NFKB1: variants seen among roughly 807,000 people sequenced by gnomAD.
NFKB1 encodes the protein nuclear factor NF-kappa-B p105 subunit.
NFKB1 carries 9 observed loss-of-function variants against 105.1 expected under a neutral mutation model. That is an observed-to-expected ratio of 0.09 (90% CI 0.05 to 0.15). NFKB1 has a LOEUF of 0.15. NFKB1 is among the 10% of genes least tolerant of loss of function. The probability of loss-of-function intolerance (pLI) is 1.00; values close to 1 mark genes in which losing one functional copy is unlikely to be tolerated. For synonymous variants in NFKB1, 440 were observed against 442.2 expected (o/e 1.00, Z 0.06); for missense variants, 830 against 1,203.7 (o/e 0.69, Z 4.59).
intron 11 of NFKB1, among the ~76,000 whole-genome samples, chr4:102,586,919 C>T (rs1278387227): frequency 5.3e-5 from 8 of 152,216 alleles, no homozygotes; most frequent in Admixed American, 2.0e-4. Flanking sequence ...TCCTAGAATT[C>T]GTGCTGCCAC....
At chr4:102,551,501 G>T (rs1377045674) in intron 5 of NFKB1, among the ~76,000 whole-genome samples, 2 of 152,134 alleles carry the variant, frequency 1.3e-5, no homozygotes, top group African/African-American at 4.8e-5. Flanking sequence ...TTTGACAGGT[G>T]TACTTCTCAA....
intron 5 of NFKB1, among the ~76,000 whole-genome samples, chr4:102,555,758 TAAG>T (rs1215550393): frequency 2.6e-5 from 4 of 152,286 alleles, no homozygotes; most frequent in Non-Finnish European, 5.9e-5. Flanking sequence ...GCAAGGGTGG[TAAG>T]AAGGCTGGAG....
intron 15 of NFKB1, 119 bp downstream of exon 15, chr4:102,597,780 AATG>A: frequency 2.5e-6 from 3 of 1,177,258 alleles, no homozygotes; most frequent in East Asian, 2.5e-5. Context: ...CTCTAACTGG[AATG>A]ATGAAGAAAA....
At chr4:102,579,952 C>T (rs565108758) in intron 8 of NFKB1, among the ~76,000 whole-genome samples, 4 of 151,472 alleles carry the variant, frequency 2.6e-5, no homozygotes, top group African/African-American at 9.7e-5. Flanking sequence ...GCAGAATCAC[C>T]TTAAAATGCA....
intron 3 of NFKB1, among the ~76,000 whole-genome samples, chr4:102,530,622 A>G (rs1741225217): frequency 1.3e-5 from 2 of 152,182 alleles, no homozygotes; most frequent in South Asian, 4.1e-4. Flanking sequence ...GAATTATGGA[A>G]GTTATGTGTA....
chr4:102,595,348 C>A (rs779489323), intron 13 of NFKB1, among the ~76,000 whole-genome samples: 50 of 152,084 alleles, frequency 3.3e-4, no homozygotes, highest in African/African-American at 1.1e-3. Context: ...TTTATAGGAT[C>A]GGTCTTTTCC....
At chr4:102,502,376 G>C (rs1343332822) in intron 1 of NFKB1, among the ~76,000 whole-genome samples, 2 of 45,950 alleles carry the variant, frequency 4.4e-5, no homozygotes, top group African/African-American at 2.4e-4. Context: ...CCCCCTCCGT[G>C]CGCGCGCGCG....
At position 102,530,890 on chromosome 4, in the gene NFKB1, G is replaced by A. The variant is rs528835980; in HGVS notation, c.118+976G>A. The stretch of plus-strand genomic sequence containing the variant: ...CCTTCACTAGTAAAGGTGTATTTCA[G>A]AGGTTTTTCTGTCTTTACCCCTACA... On this transcript the variant is annotated intron_variant, in intron 3 of 23. Transcript: ENST00000226574. Among the ~76,000 whole-genome samples the A allele has an allele frequency of 8.5e-5, 13 of 152,218 alleles. No homozygotes were observed. The South Asian group carries it at 1.9e-3, about 22-fold the overall frequency.
chr4:102,513,548 C>T (rs1470902523), intron 1 of NFKB1, among the ~76,000 whole-genome samples: 2 of 152,100 alleles, frequency 1.3e-5, no homozygotes, highest in Non-Finnish European at 2.9e-5. Context: ...GCATTCTAAT[C>T]ACTTCTCTAA....
At chr4:102,520,395 A>G (rs550294554) in intron 1 of NFKB1, among the ~76,000 whole-genome samples, 4 of 152,120 alleles carry the variant, frequency 2.6e-5, no homozygotes, top group Non-Finnish European at 5.9e-5. Flanking sequence ...CGGTGTTAAT[A>G]AGCTTTGTAT....
At chr4:102,547,307 G>A (rs1722215395) in intron 5 of NFKB1, among the ~76,000 whole-genome samples, 1 of 152,200 alleles carries the variant, frequency 6.6e-6, no homozygotes, top group Non-Finnish European at 1.5e-5. Flanking sequence ...GAAAGGATGA[G>A]CTGGCAGGTA....
intron 5 of NFKB1, among the ~76,000 whole-genome samples, chr4:102,540,964 T>C (rs1741962216): frequency 6.6e-6 from 1 of 152,198 alleles, no homozygotes. Context: ...GCATGTCTTT[T>C]CTGTGGTACT....
In NFKB1 at chr4:102,501,498, C is replaced by A. The variant is rs1739009919; in HGVS notation, c.-298C>A. On this transcript the variant is annotated 5_prime_UTR_variant, in exon 1 of 24. Coordinates refer to ENST00000226574, the MANE Select transcript of NFKB1 (RefSeq NM_003998.4). Reference sequence around the variant, plus strand: ...CCCTCGGCCTGCACGCAGCCACCGGCCCCGCTCCCGGAGCCCAGCGCCGCC... The same window carrying A: ...CCCTCGGCCTGCACGCAGCCACCGGACCCGCTCCCGGAGCCCAGCGCCGCC... The A allele has an allele frequency of 6.7e-6, 1 of 149,768 alleles. No individual in the cohort carries two copies. The highest frequency in any genetic ancestry group is 2.1e-4 in the South Asian group (1 of 4,866). The allele number at this position is 149,768 out of a possible 1,614,324, so 9.3% of individuals were successfully genotyped here. A position where few individuals can be genotyped will look rare whatever the true frequency, so the allele number is the denominator to read the frequency against.
Position 102,613,379 on chromosome 4 carries a change from G to A in NFKB1, c.2593-46G>A, listed in dbSNP as rs895640213. 5.0e-6 allele frequency: 8 copies of A among 1,598,168 alleles called. No individual in the cohort carries two copies. In the South Asian group the frequency reaches 8.9e-5, roughly 18 times the overall value. Reference sequence around the variant, plus strand: ...CTGTCAGTGCTTACAGCCTGCACTGGGACTCGAACACAAGAACATGCTCCT... The same window carrying A: ...CTGTCAGTGCTTACAGCCTGCACTGAGACTCGAACACAAGAACATGCTCCT... On this transcript the variant is annotated intron_variant, in intron 22 of 23. Transcript: ENST00000226574.
chr4:102,504,706 G>T (rs1003844130), intron 1 of NFKB1, among the ~76,000 whole-genome samples: 3 of 152,122 alleles, frequency 2.0e-5, no homozygotes, highest in African/African-American at 7.2e-5. Flanking sequence ...GAACTCACTT[G>T]TAGTGTTCTT....
At chr4:102,508,099 G>T (rs1223966918) in intron 1 of NFKB1, among the ~76,000 whole-genome samples, 2 of 152,172 alleles carry the variant, frequency 1.3e-5, no homozygotes, top group Admixed American at 6.5e-5. Context: ...ATGTTTTATT[G>T]ATATTTGAAG....
chr4:102,590,542 A>G (rs941953148), intron 11 of NFKB1, among the ~76,000 whole-genome samples: 3 of 152,114 alleles, frequency 2.0e-5, no homozygotes, highest in African/African-American at 7.2e-5. Context: ...CTTTTCCATG[A>G]TTATTATATC....
rs1019448371 is a variant in NFKB1 at position 102,582,768 on chromosome 4, A to G, written c.836-98A>G. 1.4e-5 allele frequency: 10 copies of G among 701,808 alleles called. No homozygotes were observed. In the African/African-American group the frequency reaches 1.6e-4, roughly 11 times the overall value. The allele number at this position is 701,808 out of a possible 1,614,324, so 43.5% of individuals were successfully genotyped here. ...TCTTGTTTTTTAAAAGTGTAAATAG[A>G]TAGTAGGTAGAATATTAAACCAGTT... On this transcript the variant is annotated intron_variant, in intron 9 of 23. Coordinates refer to ENST00000226574, the MANE Select transcript of NFKB1 (RefSeq NM_003998.4).
intron 5 of NFKB1, among the ~76,000 whole-genome samples, chr4:102,540,432 G>A (rs950335148): frequency 1.3e-5 from 2 of 152,168 alleles, no homozygotes; most frequent in Non-Finnish European, 2.9e-5. Context: ...CTTGTAGAAT[G>A]AAAGTTTCTA....
Sources: allele counts gnomAD v4.1 joint callset (sites outside exome capture counted in the v4.1 genomes callset), GRCh38; gene constraint gnomAD v4.1.1; transcripts MANE v1.5; gene names NCBI Gene and HGNC (gene_info 2026-07-23, HGNC 2026-07-21).